The following GRIN1 variants were observed in gnomAD, a reference collection of about 807,000 sequenced individuals.
The protein encoded by GRIN1 is glutamate receptor ionotropic, NMDA 1.
Under a neutral mutation model 103.0 loss-of-function variants are expected in GRIN1, and 38 were observed. That is an observed-to-expected ratio of 0.37 (90% confidence interval 0.28 to 0.48). The LOEUF is 0.48. Ranked by LOEUF, GRIN1 falls within the 20% of genes least tolerant of loss-of-function variation. GRIN1 has a pLI of 0.98. For synonymous variants in GRIN1, 544 were observed against 532.7 expected (o/e 1.02, Z -0.29); for missense variants, 577 against 1,288.9 (o/e 0.45, Z 8.46).
chr9:137,141,625 G>A (rs1832167062), intron 1 of GRIN1, among the ~76,000 whole-genome samples: 1 of 152,158 alleles, frequency 6.6e-6, no homozygotes, highest in Non-Finnish European at 1.5e-5. Context: ...CCCCACCCCT[G>A]GCCCATCAGG....
intron 4 of GRIN1, among the ~76,000 whole-genome samples, chr9:137,149,594 C>G (rs369400479): frequency 6.6e-6 from 1 of 152,202 alleles, no homozygotes; most frequent in South Asian, 2.1e-4. Flanking sequence ...GTTAGGTACC[C>G]GGGAAATCAA....
intron 4 of GRIN1, among the ~76,000 whole-genome samples, chr9:137,154,926 A>C (rs892836839): frequency 1.3e-5 from 2 of 152,188 alleles, no homozygotes; most frequent in Non-Finnish European, 2.9e-5. Context: ...TGGCAGGCAC[A>C]GGCCTTCTTG....
chr9:137,151,195 A>G (rs1167235028), intron 4 of GRIN1, among the ~76,000 whole-genome samples: 7 of 140,772 alleles, frequency 5.0e-5, no homozygotes, highest in African/African-American at 1.1e-4. Context: ...CCGCCCAGAA[A>G]AAAGTCCCGC....
At chr9:137,156,316 C>A (rs1833213918) in intron 4 of GRIN1, among the ~76,000 whole-genome samples, 1 of 152,066 alleles carries the variant, frequency 6.6e-6, no homozygotes, top group African/African-American at 2.4e-5. Flanking sequence ...GAAGTCAGTC[C>A]CATAAGCCAG....
chr9:137,154,945 C>A (rs1048636916), intron 4 of GRIN1, among the ~76,000 whole-genome samples: 1 of 152,214 alleles, frequency 6.6e-6, no homozygotes, highest in Non-Finnish European at 1.5e-5. Flanking sequence ...TGACCCCAGA[C>A]CTTCAGCCTG....
In GRIN1 at chr9:137,162,572, GC is replaced by G. The variant is rs772767449; in HGVS notation, c.1865-13del. On this transcript the variant is annotated intron_variant, in intron 13 of 19. Coordinates refer to ENST00000371561, the MANE Select transcript of GRIN1 (RefSeq NM_007327.4). ...CCTCGGCCCTCTAGGGTCTGACAGA[GC>G]CCCCCGCCCGCCCACAGGCGCCCCC... 2 of 1,611,088 alleles carry G rather than the reference GC, an allele frequency of 1.2e-6. No homozygotes were observed. Among genetic ancestry groups the G allele is most frequent in the African/African-American group, 1.3e-5 (1 of 74,870 alleles).
intron 1 of GRIN1, among the ~76,000 whole-genome samples, chr9:137,141,553 T>C (rs1832162676): frequency 6.6e-6 from 1 of 151,976 alleles, no homozygotes; most frequent in Non-Finnish European, 1.5e-5. Context: ...TCCTAGCTGC[T>C]TCCCCCTGAA....
At position 137,168,707 on chromosome 9, in the gene GRIN1, C is replaced by A; in HGVS notation, c.*1180C>A. 3.3e-6 allele frequency: 2 copies of A among 604,124 alleles called. No individual in the cohort carries two copies. Among genetic ancestry groups the A allele is most frequent in the Non-Finnish European group, 4.7e-6 (2 of 426,650 alleles). The allele number at this position is 604,124 out of a possible 1,614,324, so 37.4% of individuals were successfully genotyped here. A position where few individuals can be genotyped will look rare whatever the true frequency, so the allele number is the denominator to read the frequency against. On this transcript the variant is annotated 3_prime_UTR_variant, in exon 20 of 20. Transcript: ENST00000371561. ...CAGGGTGCAGGCGCGCACCGCCCAACCCCCACCTCCCGGTGTATGCAGTGG... is the reference window on the plus strand; with the variant it reads ...CAGGGTGCAGGCGCGCACCGCCCAAACCCCACCTCCCGGTGTATGCAGTGG...
Position 137,147,075 on chromosome 9 carries a change from C to A in GRIN1, c.570+1173C>A, listed in dbSNP as rs973308579. 2.0e-5 allele frequency among the ~76,000 whole-genome samples: 3 copies of A among 150,532 alleles called. No individual in the cohort carries two copies. In the South Asian group the frequency reaches 6.3e-4, roughly 32 times the overall value. ...GCACCCGACAGGCCCCTCACCCCAGCGCTCGACAGGCCCCTCACCTTCTGG... is the reference window on the plus strand; with the variant it reads ...GCACCCGACAGGCCCCTCACCCCAGAGCTCGACAGGCCCCTCACCTTCTGG... On this transcript the variant is annotated intron_variant, in intron 3 of 19. Transcript: ENST00000371561.
rs1171201464 is a variant in GRIN1 at position 137,165,275 on chromosome 9, GCGTAGGTC to G, written c.2681_2688del (p.Arg894LeufsTer27). 6.2e-7 allele frequency: 1 copy of G among 1,609,914 alleles called. No individual in the cohort carries two copies. The highest frequency in any genetic ancestry group is 8.5e-7 in the Non-Finnish European group (1 of 1,177,546). On this transcript the variant is annotated frameshift_variant, in exon 19 of 20. Transcript: ENST00000371561. LOFTEE classifies it high-confidence loss of function. ...CCACCCTGGCTTCCAGCTTCAAGAG[GCGTAGGTC>G]CTCCAAAGACACGGTAAGGGGGAGA...
intron 3 of GRIN1, chr9:137,148,275 G>C: frequency 9.3e-7 from 1 of 1,072,002 alleles, no homozygotes; most frequent in Non-Finnish European, 1.4e-6. Flanking sequence ...CGGCGCCTCG[G>C]CCACTAGGGC....
intron 18 of GRIN1, 52 bp downstream of exon 18, chr9:137,163,956 G>C: frequency 6.3e-7 from 1 of 1,595,918 alleles, no homozygotes; most frequent in Non-Finnish European, 8.6e-7. Flanking sequence ...GCCTGGCCAC[G>C]GCCCTCCTCC....
intron 3 of GRIN1, among the ~76,000 whole-genome samples, chr9:137,148,755 A>T (rs1832681891): frequency 1.3e-5 from 2 of 152,172 alleles, no homozygotes; most frequent in African/African-American, 4.8e-5. Flanking sequence ...GGAGAGAGAG[A>T]TCCAGAGAGA....
chr9:137,153,634 A>G (rs1833040027), intron 4 of GRIN1, among the ~76,000 whole-genome samples: 2 of 152,096 alleles, frequency 1.3e-5, no homozygotes, highest in African/African-American at 4.8e-5. Flanking sequence ...AAAGACATCC[A>G]CTGATATACG....
chr9:137,163,944 C>G (rs199949144), intron 18 of GRIN1, 40 bp downstream of exon 18: 1 of 1,606,458 alleles, frequency 6.2e-7, no homozygotes, highest in East Asian at 2.2e-5. Flanking sequence ...GCCCAGGGCC[C>G]GGCCTGGCCA....
At chr9:137,158,011 C>T (rs1175107783) in intron 6 of GRIN1, among the ~76,000 whole-genome samples, 1 of 152,250 alleles carries the variant, frequency 6.6e-6, no homozygotes, top group Non-Finnish European at 1.5e-5. Flanking sequence ...ACCTCGCCTT[C>T]ACTTGCTGGC....
At position 137,161,374 on chromosome 9, in the gene GRIN1, G is replaced by A. The variant is rs1471107073; in HGVS notation, c.1425G>A (p.Glu475=). The A allele has an allele frequency of 6.2e-7, 1 of 1,612,588 alleles. No individual in the cohort carries two copies. The highest frequency in any genetic ancestry group is 1.3e-5 in the African/African-American group (1 of 74,988). Residue 475 remains glutamate (E), a synonymous_variant, in exon 10 of 20, where the codon GAG becomes GAA. Coordinates refer to ENST00000371561, the MANE Select transcript of GRIN1 (RefSeq NM_007327.4). ...CACGGACCATGAACTTCACCTACGA[G>A]GTGCACCTGGTGGCAGATGGCAAGT... ...KLARTMNFTY[E]VHLVADGKFG... is the part of the protein sequence containing the mutation.
intron 8 of GRIN1, among the ~76,000 whole-genome samples, chr9:137,159,295 C>G (rs992530531): frequency 6.6e-6 from 1 of 152,216 alleles, no homozygotes; most frequent in African/African-American, 2.4e-5. Flanking sequence ...ACACTCCAGT[C>G]CTGGTAGCAT....
Position 137,144,523 on chromosome 9 carries a change from C to T in GRIN1, c.394-1203C>T, listed in dbSNP as rs191687666. ...CAAAAAAATTAGCCGGGCGTGGTGGCGGGCGCCTGTAGTCTCAGCTACTTG... is the reference window on the plus strand; with the variant it reads ...CAAAAAAATTAGCCGGGCGTGGTGGTGGGCGCCTGTAGTCTCAGCTACTTG... On this transcript the variant is annotated intron_variant, in intron 2 of 19. Coordinates refer to ENST00000371561, the MANE Select transcript of GRIN1 (RefSeq NM_007327.4). 5.1e-3 allele frequency among the ~76,000 whole-genome samples: 779 copies of T among 152,004 alleles called. 2 individuals are homozygous for T. Among genetic ancestry groups the T allele is most frequent in the East Asian group, 0.024 (124 of 5,156 alleles).
Sources: gnomAD v4.1 joint callset for allele counts (sites outside exome capture counted in the v4.1 genomes callset) on GRCh38, gnomAD v4.1.1 for gene constraint, MANE v1.5 for transcripts, NCBI Gene and HGNC (gene_info 2026-07-23, HGNC 2026-07-21) for gene names.